The following ZMYND11 variants were observed in gnomAD, a reference collection of about 807,000 sequenced individuals.
The protein encoded by ZMYND11 is zinc finger MYND-type containing 11, also known as zinc finger MYND domain-containing protein 11.
Under a neutral mutation model 84.9 loss-of-function variants are expected in ZMYND11, and 9 were observed. That is an observed-to-expected ratio of 0.11 (90% CI 0.06 to 0.18). The LOEUF (loss-of-function observed/expected upper bound fraction) is 0.18, where lower values mean the gene tolerates loss of function less well. ZMYND11 is among the 10% of genes least tolerant of loss of function. ZMYND11 has a pLI of 1.00. For missense variants in ZMYND11, 409 were observed against 761.0 expected (o/e 0.54, Z 5.44); for synonymous variants, 250 against 244.1 (o/e 1.02, Z -0.23).
At chr10:224,829 G>T (rs112553156) in intron 4 of ZMYND11, among the ~76,000 whole-genome samples, 187 of 152,184 alleles carry the variant, frequency 1.2e-3, no homozygotes, top group Non-Finnish European at 2.2e-3. Context: ...TCCACTGTTC[G>T]GTATGGAAAC....
intron 2 of ZMYND11, among the ~76,000 whole-genome samples, chr10:181,693 A>G (rs187127216): frequency 6.6e-6 from 1 of 152,256 alleles, no homozygotes; most frequent in East Asian, 1.9e-4. Flanking sequence ...GTGAGGATAT[A>G]TGTGGCTCCA....
chr10:218,164 G>T (rs1337593035), intron 3 of ZMYND11, among the ~76,000 whole-genome samples: 1 of 152,038 alleles, frequency 6.6e-6, no homozygotes, highest in Non-Finnish European at 1.5e-5. Flanking sequence ...TAGTTTTCAC[G>T]GTACATTGGC....
intron 4 of ZMYND11, 74 bp downstream of exon 4, chr10:221,430 C>T: frequency 1.3e-6 from 2 of 1,500,146 alleles, no homozygotes; most frequent in Non-Finnish European, 9.0e-7. Context: ...AAAGATATCC[C>T]AGGTGGTCTT....
intron 1 of ZMYND11, among the ~76,000 whole-genome samples, chr10:138,984 C>T (rs1315155348): frequency 6.6e-6 from 1 of 152,162 alleles, no homozygotes; most frequent in Admixed American, 6.6e-5. Flanking sequence ...AGGCGCCCGC[C>T]ACTGTGCCTG....
At chr10:231,753 CA>C (rs1949045970) in intron 4 of ZMYND11, among the ~76,000 whole-genome samples, 2 of 152,182 alleles carry the variant, frequency 1.3e-5, no homozygotes, top group Non-Finnish European at 2.9e-5. Context: ...ATCCCTTGTT[CA>C]AGATGTTCAA....
intron 1 of ZMYND11, among the ~76,000 whole-genome samples, chr10:161,550 C>G (rs1252284124): frequency 6.6e-6 from 1 of 152,206 alleles, no homozygotes; most frequent in African/African-American, 2.4e-5. Flanking sequence ...GGCATTTCTT[C>G]CAATATGAGA....
chr10:151,960 A>G (rs1488307634), intron 1 of ZMYND11, among the ~76,000 whole-genome samples: 1 of 152,226 alleles, frequency 6.6e-6, no homozygotes, highest in African/African-American at 2.4e-5. Flanking sequence ...ATATCCAGCC[A>G]AACTAAGCTT....
chr10:181,628 A>G (rs1367258946), intron 2 of ZMYND11, among the ~76,000 whole-genome samples: 1 of 152,202 alleles, frequency 6.6e-6, no homozygotes, highest in Non-Finnish European at 1.5e-5. Flanking sequence ...ACAACAAACC[A>G]ACAAAGAAAC....
chr10:185,531 G>A (rs2130805891), intron 2 of ZMYND11, among the ~76,000 whole-genome samples: 1 of 148,210 alleles, frequency 6.7e-6, no homozygotes, highest in East Asian at 2.0e-4. Context: ...GTGGGGGCGC[G>A]GGGTGGGCAC....
intron 1 of ZMYND11, among the ~76,000 whole-genome samples, chr10:179,226 C>T (rs961686108): frequency 6.6e-6 from 1 of 152,150 alleles, no homozygotes; most frequent in Non-Finnish European, 1.5e-5. Context: ...CACTGCTCTC[C>T]GGACATCCAG....
intron 2 of ZMYND11, among the ~76,000 whole-genome samples, chr10:185,821 C>CA (rs1564340452): frequency 1.4e-5 from 2 of 138,000 alleles, no homozygotes; most frequent in East Asian, 2.2e-4. Flanking sequence ...CTCAAAAAAA[C>CA]AAAAAAACAA....
intron 1 of ZMYND11, among the ~76,000 whole-genome samples, chr10:172,393 G>A (rs1845553186): frequency 6.6e-6 from 1 of 152,170 alleles, no homozygotes; most frequent in African/African-American, 2.4e-5. Flanking sequence ...CTACTAAGTG[G>A]TTGTAGCCAA....
At chr10:224,791 G>T (rs1405471218) in intron 4 of ZMYND11, among the ~76,000 whole-genome samples, 1 of 152,096 alleles carries the variant, frequency 6.6e-6, no homozygotes, top group African/African-American at 2.4e-5. Context: ...TATGTGACCA[G>T]TTCCTCATGT....
intron 1 of ZMYND11, among the ~76,000 whole-genome samples, chr10:169,191 C>T (rs984226791): frequency 6.6e-6 from 1 of 152,110 alleles, no homozygotes; most frequent in East Asian, 1.9e-4. Context: ...CAGCTTCAAC[C>T]CCCTCCAGTC....
At chr10:237,788 T>A in intron 6 of ZMYND11, 111 bp downstream of exon 6, 1 of 701,634 alleles carries the variant, frequency 1.4e-6, no homozygotes, top group Non-Finnish European at 2.3e-6. Flanking sequence ...CTTGAAAGTG[T>A]ACTTTTTTCC....
chr10:241,083 A>G (rs1950817408), intron 9 of ZMYND11, 113 bp downstream of exon 9: 3 of 713,024 alleles, frequency 4.2e-6, no homozygotes, highest in Non-Finnish European at 6.8e-6. Context: ...CATAGTATAT[A>G]TGGGTTTAAT....
At chr10:244,013 A>G (rs952258313) in intron 10 of ZMYND11, among the ~76,000 whole-genome samples, 5 of 152,122 alleles carry the variant, frequency 3.3e-5, no homozygotes, top group African/African-American at 1.2e-4. Context: ...TTATGTAAAT[A>G]GTTCTAGACA....
At chr10:217,414 T>C (rs1005657471) in intron 3 of ZMYND11, among the ~76,000 whole-genome samples, 4 of 151,946 alleles carry the variant, frequency 2.6e-5, no homozygotes, top group African/African-American at 9.7e-5. Context: ...TTCCAGCTAC[T>C]TGGGAAGCTG....
chr10:218,601 A>T (rs1946596294), intron 3 of ZMYND11: 1 of 222,572 alleles, frequency 4.5e-6, no homozygotes, highest in African/African-American at 2.3e-5. Flanking sequence ...CTCTTGCTAG[A>T]TTTGTTTGTT....
Sources: allele counts gnomAD v4.1 joint callset (sites outside exome capture counted in the v4.1 genomes callset), GRCh38; gene constraint gnomAD v4.1.1; transcripts MANE v1.5; gene names NCBI Gene and HGNC (gene_info 2026-07-23, HGNC 2026-07-21).